The following KLF7 variants were observed in gnomAD, a reference collection of about 807,000 sequenced individuals.
The protein encoded by KLF7 is KLF transcription factor 7.
In KLF7, 2 loss-of-function variants were observed where a neutral mutation model predicts 27.3. That is an observed-to-expected ratio of 0.07 (90% CI 0.03 to 0.23). The LOEUF (loss-of-function observed/expected upper bound fraction) is 0.23. Ranked by LOEUF, KLF7 falls within the 10% of genes least tolerant of loss-of-function variation. The pLI, the probability that KLF7 is intolerant of heterozygous loss-of-function variation, is 1.00. For missense variants in KLF7, 221 were observed against 394.1 expected (o/e 0.56, Z 3.72); for synonymous variants, 165 against 162.4 (o/e 1.02, Z -0.12).
At chr2:207,155,945 T>C (rs773073580) in intron 1 of KLF7, among the ~76,000 whole-genome samples, 34 of 152,192 alleles carry the variant, frequency 2.2e-4, no homozygotes, top group Non-Finnish European at 3.7e-4. Flanking sequence ...GACCACTCCA[T>C]TGAATTCCTG....
chr2:207,127,946 T>G (rs77102128), intron 1 of KLF7, among the ~76,000 whole-genome samples: 1 of 152,284 alleles, frequency 6.6e-6, no homozygotes, highest in Non-Finnish European at 1.5e-5. Flanking sequence ...TAAATGTGTA[T>G]ATCCATGTGT....
At chr2:207,122,491 C>A (rs916125319) in intron 2 of KLF7, among the ~76,000 whole-genome samples, 1 of 152,144 alleles carries the variant, frequency 6.6e-6, no homozygotes, top group African/African-American at 2.4e-5. Flanking sequence ...TACACAAAAA[C>A]AGTTCATGGA....
At chr2:207,165,418 C>A (rs761064504) in intron 1 of KLF7, 49 bp downstream of exon 1, 4 of 1,612,604 alleles carry the variant, frequency 2.5e-6, no homozygotes, top group Non-Finnish European at 3.4e-6. Flanking sequence ...GCAGCCCCTG[C>A]GTCTCCGCCG....
At chr2:207,114,042 C>G (rs540819835) in intron 2 of KLF7, among the ~76,000 whole-genome samples, 1 of 152,042 alleles carries the variant, frequency 6.6e-6, no homozygotes, top group Non-Finnish European at 1.5e-5. Context: ...CCTATGATAC[C>G]TTTTCTAAAC....
intron 1 of KLF7, among the ~76,000 whole-genome samples, chr2:207,139,771 A>G (rs7606127): frequency 6.6e-6 from 1 of 152,240 alleles, no homozygotes; most frequent in Non-Finnish European, 1.5e-5. Context: ...GGTCATTGCA[A>G]GTCTTGGTTG....
intron 2 of KLF7, among the ~76,000 whole-genome samples, chr2:207,093,454 G>C (rs1018936325): frequency 7.2e-5 from 11 of 152,058 alleles, no homozygotes; most frequent in Non-Finnish European, 1.2e-4. Context: ...GCTCTGCCTG[G>C]AACACTCTTG....
chr2:207,113,604 G>GGTT (rs2077094487), intron 2 of KLF7, among the ~76,000 whole-genome samples: 4 of 120,186 alleles, frequency 3.3e-5, no homozygotes, highest in Admixed American at 2.5e-4. Context: ...GTGGAATGGG[G>GGTT]GGTGGGGGGG....
chr2:207,153,876 G>A (rs932917991), intron 1 of KLF7, among the ~76,000 whole-genome samples: 1 of 152,190 alleles, frequency 6.6e-6, no homozygotes, highest in Non-Finnish European at 1.5e-5. Flanking sequence ...ATAATCTACA[G>A]AAGGAGAGAA....
upstream of KLF7, among the ~76,000 whole-genome samples, chr2:207,168,592 G>A (rs1234410616): frequency 6.6e-6 from 1 of 152,164 alleles, no homozygotes; most frequent in Non-Finnish European, 1.5e-5. Context: ...GGGTGGGGCC[G>A]GAGGAGGAGG....
chr2:207,086,623 G>A (rs895031785), intron 3 of KLF7, among the ~76,000 whole-genome samples: 4 of 152,070 alleles, frequency 2.6e-5, no homozygotes, highest in Admixed American at 1.3e-4. Flanking sequence ...ATAACCAATC[G>A]GTTTGGAACA....
At chr2:207,149,300 T>C (rs1211738879) in intron 1 of KLF7, 9 of 460,326 alleles carry the variant, frequency 2.0e-5, no homozygotes, top group Admixed American at 1.6e-4. Context: ...AGACTAGCCA[T>C]ACATTTTTCT....
At chr2:207,166,083 C>T, upstream of KLF7, 1 of 969,010 alleles carries the variant, frequency 1.0e-6, no homozygotes, top group Non-Finnish European at 1.2e-6. Flanking sequence ...TTCCCCCTCC[C>T]TTTTCTCCTC....
intron 2 of KLF7, among the ~76,000 whole-genome samples, chr2:207,123,051 T>C (rs959766141): frequency 3.5e-5 from 5 of 142,810 alleles, no homozygotes; most frequent in African/African-American, 1.3e-4. Flanking sequence ...AAGATCAGTA[T>C]GACTGGAACT....
intron 1 of KLF7, among the ~76,000 whole-genome samples, chr2:207,144,161 G>A (rs1051507555): frequency 3.7e-5 from 2 of 54,632 alleles, no homozygotes; most frequent in African/African-American, 1.5e-4. Flanking sequence ...CGTCACAGCG[G>A]GGGGGAGAAA....
intron 1 of KLF7, among the ~76,000 whole-genome samples, chr2:207,135,169 T>C (rs112968325): frequency 2.6e-5 from 4 of 152,294 alleles, no homozygotes; most frequent in African/African-American, 9.6e-5. Context: ...TTTTCTCATC[T>C]ACCAGCTGAA....
chr2:207,097,613 T>TA (rs1388408636), intron 2 of KLF7, among the ~76,000 whole-genome samples: 11 of 152,232 alleles, frequency 7.2e-5, no homozygotes, highest in East Asian at 5.8e-4. Flanking sequence ...TAACAACTGT[T>TA]AACTTTTTCT....
intron 2 of KLF7, among the ~76,000 whole-genome samples, chr2:207,109,404 A>C (rs549841481): frequency 1.2e-3 from 179 of 152,330 alleles, no homozygotes; most frequent in African/African-American, 3.8e-3. Context: ...CAAAAGAAAT[A>C]ACTGATCTCT....
At chr2:207,083,350 T>C (rs896527674) in intron 3 of KLF7, among the ~76,000 whole-genome samples, 2 of 152,220 alleles carry the variant, frequency 1.3e-5, no homozygotes, top group African/African-American at 4.8e-5. Context: ...CTTTCCCTCC[T>C]TCTTTTATCC....
At chr2:207,141,979 G>T (rs1168045485) in intron 1 of KLF7, among the ~76,000 whole-genome samples, 1 of 152,068 alleles carries the variant, frequency 6.6e-6, no homozygotes, top group East Asian at 1.9e-4. Flanking sequence ...CTGCCCCGCA[G>T]TACTCGGCTG....
Sources: allele counts gnomAD v4.1 joint callset (sites outside exome capture counted in the v4.1 genomes callset), GRCh38; gene constraint gnomAD v4.1.1; transcripts MANE v1.5; gene names NCBI Gene and HGNC (gene_info 2026-07-23, HGNC 2026-07-21).